EML1: variants seen among roughly 807,000 people sequenced by gnomAD.
EML1 encodes EMAP like 1, also known as echinoderm microtubule-associated protein-like 1.
In EML1, 27 loss-of-function variants were observed where a neutral mutation model predicts 110.4. That is an observed-to-expected ratio of 0.24 (90% CI 0.18 to 0.34). The LOEUF (loss-of-function observed/expected upper bound fraction) is 0.34, where lower values mean the gene tolerates loss of function less well. Ranked by LOEUF, EML1 falls within the 10% of genes least tolerant of loss-of-function variation. The pLI is 1.00. For synonymous variants in EML1, 344 were observed against 385.8 expected (o/e 0.89, Z 1.27); for missense variants, 741 against 1,030.9 (o/e 0.72, Z 3.85).
intron 17 of EML1, among the ~76,000 whole-genome samples, chr14:99,933,851 C>T (rs2060418212): frequency 6.6e-6 from 1 of 152,246 alleles, no homozygotes; most frequent in South Asian, 2.1e-4. Context: ...CCCAGCACTT[C>T]GGGGAGGCCA....
At chr14:99,765,211 G>T (rs2140193109) in intron 1 of EML1, among the ~76,000 whole-genome samples, 1 of 152,032 alleles carries the variant, frequency 6.6e-6, no homozygotes, top group Non-Finnish European at 1.5e-5. Context: ...AAAGTGCTGG[G>T]ATTACAGGCG....
intron 3 of EML1, among the ~76,000 whole-genome samples, chr14:99,872,646 A>G (rs1347010048): frequency 6.6e-6 from 1 of 152,210 alleles, no homozygotes; most frequent in Non-Finnish European, 1.5e-5. Context: ...CTTCCCTTCC[A>G]TTTGGAAGCT....
intron 17 of EML1, among the ~76,000 whole-genome samples, chr14:99,929,014 A>T (rs2060318659): frequency 6.6e-6 from 1 of 152,214 alleles, no homozygotes; most frequent in South Asian, 2.1e-4. Context: ...CGAGGGCCTC[A>T]TCTGCAGCCT....
intron 1 of EML1, among the ~76,000 whole-genome samples, chr14:99,744,176 C>A (rs2057077135): frequency 1.3e-5 from 2 of 152,122 alleles, no homozygotes. Context: ...GATCGGGATG[C>A]TCCAGAATAA....
At position 99,865,774 on chromosome 14, in the gene EML1, A is replaced by G. The variant is rs1017200745; in HGVS notation, c.383+128A>G. The G allele has an allele frequency of 2.6e-6, 3 of 1,171,934 alleles. No homozygotes were observed. In the East Asian group the frequency reaches 7.8e-5, roughly 30 times the overall value. The allele number at this position is 1,171,934 out of a possible 1,614,324, so 72.6% of individuals were successfully genotyped here. A position where few individuals can be genotyped will look rare whatever the true frequency, so the allele number is the denominator to read the frequency against. ...GAGTTAAAGCTTATAAAAGTCCAACATTTTATATGGTGCCATAACAAGAAC... is the reference window on the plus strand; with the variant it reads ...GAGTTAAAGCTTATAAAAGTCCAACGTTTTATATGGTGCCATAACAAGAAC... On this transcript the variant is annotated intron_variant, in intron 3 of 21. Coordinates refer to ENST00000262233, the MANE Select transcript of EML1 (RefSeq NM_004434.3).
intron 1 of EML1, among the ~76,000 whole-genome samples, chr14:99,830,681 G>C (rs2058435587): frequency 1.3e-5 from 2 of 152,078 alleles, no homozygotes; most frequent in Non-Finnish European, 2.9e-5. Context: ...CTCCCAAGTA[G>C]CTGGGATTAC....
At chr14:99,808,919 T>C (rs2058026646) in intron 1 of EML1, among the ~76,000 whole-genome samples, 1 of 152,228 alleles carries the variant, frequency 6.6e-6, no homozygotes, top group Non-Finnish European at 1.5e-5. Context: ...TACTACTTTA[T>C]CATATTTATC....
chr14:99,772,347 C>T (rs1255945880), upstream of EML1, among the ~76,000 whole-genome samples: 1 of 152,216 alleles, frequency 6.6e-6, no homozygotes, highest in Non-Finnish European at 1.5e-5. Flanking sequence ...CCTTCTCTGG[C>T]TACCTCTTTT....
At chr14:99,858,751 A>C (rs1444927444) in intron 2 of EML1, among the ~76,000 whole-genome samples, 1 of 152,214 alleles carries the variant, frequency 6.6e-6, no homozygotes, top group Non-Finnish European at 1.5e-5. Context: ...CTAATCATCT[A>C]CTTTGTCTTA....
chr14:99,815,296 C>A (rs1241965919), intron 1 of EML1, among the ~76,000 whole-genome samples: 1 of 152,056 alleles, frequency 6.6e-6, no homozygotes, highest in African/African-American at 2.4e-5. Context: ...CACCTGCCAC[C>A]ACTCCCGGCT....
At position 99,903,784 on chromosome 14, in the gene EML1, C is replaced by CTTTTTTTTTTTTT. The variant is rs202121563; in HGVS notation, c.1008+2745_1008+2746insTTTTTTTTTTTTT. 1.4e-5 allele frequency among the ~76,000 whole-genome samples: 2 copies of CTTTTTTTTTTTTT among 141,612 alleles called. 1 individual carries two copies. The highest frequency in any genetic ancestry group is 3.1e-5 in the Non-Finnish European group (2 of 65,538). 92.9% of individuals were successfully genotyped at this position (141,612 alleles called of 152,430 possible). ...ACAAAATCTCATAGATAAATCTATT[C>CTTTTTTTTTTTTT]ATTTTTTTTTTTTTTTTGAGACAGA... On this transcript the variant is annotated intron_variant, in intron 9 of 21. Coordinates refer to ENST00000262233, the MANE Select transcript of EML1 (RefSeq NM_004434.3).
At chr14:99,919,553 A>G (rs947529062) in intron 16 of EML1, among the ~76,000 whole-genome samples, 1 of 152,128 alleles carries the variant, frequency 6.6e-6, no homozygotes, top group Admixed American at 6.6e-5. Context: ...CAATAGGCTG[A>G]CGGATGCCAG....
intron 1 of EML1, among the ~76,000 whole-genome samples, chr14:99,741,026 G>A (rs116926105): frequency 1.8e-4 from 28 of 152,272 alleles, no homozygotes; most frequent in African/African-American, 6.0e-4. Flanking sequence ...CCTAAGCACC[G>A]AAGAGCAGGC....
chr14:99,880,422 C>T (rs2059365706), intron 4 of EML1, among the ~76,000 whole-genome samples: 1 of 152,170 alleles, frequency 6.6e-6, no homozygotes, highest in Admixed American at 6.5e-5. Context: ...CCCACGTGCG[C>T]AGCCCCATGC....
intron 4 of EML1, among the ~76,000 whole-genome samples, chr14:99,885,098 G>A (rs900543822): frequency 6.6e-6 from 1 of 152,214 alleles, no homozygotes; most frequent in African/African-American, 2.4e-5. Flanking sequence ...CTTATTCTTT[G>A]TATCTCTAGT....
intron 1 of EML1, among the ~76,000 whole-genome samples, chr14:99,755,621 G>A (rs1005867120): frequency 6.6e-6 from 1 of 152,114 alleles, no homozygotes; most frequent in African/African-American, 2.4e-5. Context: ...GCTGTGTGGC[G>A]CTGGACCAGC....
intron 1 of EML1, among the ~76,000 whole-genome samples, chr14:99,760,309 G>A (rs573875595): frequency 6.6e-6 from 1 of 152,088 alleles, no homozygotes; most frequent in Non-Finnish European, 1.5e-5. Context: ...CTTTCTTTCT[G>A]TGCAAAGTTG....
At chr14:99,810,815 A>G (rs1435831348) in intron 1 of EML1, among the ~76,000 whole-genome samples, 1 of 152,220 alleles carries the variant, frequency 6.6e-6, no homozygotes, top group Non-Finnish European at 1.5e-5. Context: ...TTGCTAAAGG[A>G]GTGGATCTTA....
intron 1 of EML1, among the ~76,000 whole-genome samples, chr14:99,849,865 G>A (rs1472172310): frequency 6.6e-6 from 1 of 151,164 alleles, no homozygotes; most frequent in African/African-American, 2.4e-5. Flanking sequence ...GTGTATTTGT[G>A]TTCATTAAAT....
Sources: gnomAD v4.1 joint callset for allele counts (sites outside exome capture counted in the v4.1 genomes callset) on GRCh38, gnomAD v4.1.1 for gene constraint, MANE v1.5 for transcripts, NCBI Gene and HGNC (gene_info 2026-07-23, HGNC 2026-07-21) for gene names.